CHAT: variants seen among roughly 807,000 people sequenced by gnomAD.
CHAT encodes choline O-acetyltransferase.
Under a neutral mutation model 76.9 loss-of-function variants are expected in CHAT, and 61 were observed. That is an observed-to-expected ratio of 0.79 (90% CI 0.65 to 0.98). The LOEUF (loss-of-function observed/expected upper bound fraction) is 0.98, where lower values mean the gene tolerates loss of function less well. Among genes scored for constraint, CHAT ranks in the 50% least tolerant of loss-of-function variants. The pLI, the probability that CHAT is intolerant of heterozygous loss-of-function variation, is 0.00. For synonymous variants in CHAT, 407 were observed against 397.4 expected (o/e 1.02, Z -0.29); for missense variants, 946 against 986.9 (o/e 0.96, Z 0.56).
intron 2 of CHAT, 103 bp downstream of exon 2, chr10:49,616,705 C>T (rs2132702504): frequency 1.2e-6 from 1 of 837,866 alleles, no homozygotes; most frequent in South Asian, 1.4e-5. Context: ...ATTTGCCTGG[C>T]CCCAGCCCTG....
chr10:49,666,454 A>G lies in CHAT; in HGVS notation c.*1408A>G, dbSNP rs1210590111. On this transcript the variant is annotated 3_prime_UTR_variant, in exon 15 of 15. Transcript: ENST00000337653. ...TAAGAAAGCAACCAGAGAAATCTAC[A>G]GCATAGAGCCCGTGTGTTCTGCTCC... Among the ~76,000 whole-genome samples the G allele has an allele frequency of 6.6e-6, 1 of 152,222 alleles. No homozygotes were observed. The highest frequency in any genetic ancestry group is 1.5e-5 in the Non-Finnish European group (1 of 68,038).
At position 49,667,472 on chromosome 10, in the gene CHAT, T is replaced by A. The variant is rs1033882339; in HGVS notation, c.*2426T>A. On this transcript the variant is annotated 3_prime_UTR_variant, in exon 15 of 15. Coordinates refer to ENST00000337653, the MANE Select transcript of CHAT (RefSeq NM_020549.5). ...TGAGGGCTATGAGAAGCGCAAACAGTAAACGCTTGGCAGGAGGGAACACTT... is the reference window on the plus strand; with the variant it reads ...TGAGGGCTATGAGAAGCGCAAACAGAAAACGCTTGGCAGGAGGGAACACTT... Among the ~76,000 whole-genome samples the A allele has an allele frequency of 7.9e-5, 12 of 152,198 alleles. No individual in the cohort carries two copies. Among genetic ancestry groups the A allele is most frequent in the Admixed American group, 7.9e-4 (12 of 15,282 alleles).
At chr10:49,659,516 G>A (rs980781035) in intron 13 of CHAT, among the ~76,000 whole-genome samples, 5 of 152,186 alleles carry the variant, frequency 3.3e-5, no homozygotes, top group Non-Finnish European at 5.9e-5. Flanking sequence ...AAAGAAGCAA[G>A]AAGTGAGAGG....
At chr10:49,662,494 G>A in intron 13 of CHAT, 151 bp from the exon 14 acceptor site, 1 of 1,002,482 alleles carries the variant, frequency 1.0e-6, no homozygotes, top group Non-Finnish European at 1.5e-6. Flanking sequence ...GTCCTGAGCA[G>A]CCACTCATAC....
At position 49,649,641 on chromosome 10, in the gene CHAT, G is replaced by C; in HGVS notation, c.1511+5G>C. On this transcript the variant is annotated splice_donor_5th_base_variant and intron_variant, in intron 10 of 14. Coordinates refer to ENST00000337653, the MANE Select transcript of CHAT (RefSeq NM_020549.5). ...CTCGGCAGAAAAACTTCAACGGTAA[G>C]GATAACCGAAGTCTCCTTTGAGGGG... The C allele has an allele frequency of 6.2e-7, 1 of 1,613,696 alleles. No individual in the cohort carries two copies. The highest frequency in any genetic ancestry group is 8.5e-7 in the Non-Finnish European group (1 of 1,180,010).
intron 7 of CHAT, among the ~76,000 whole-genome samples, chr10:49,631,889 T>C (rs1415379071): frequency 6.6e-6 from 1 of 150,452 alleles, no homozygotes; most frequent in East Asian, 2.0e-4. Context: ...AGCAGGTGAA[T>C]TGAGAGCCCA....
chr10:49,609,717 C>A (rs1838238671), upstream of CHAT, among the ~76,000 whole-genome samples: 1 of 152,050 alleles, frequency 6.6e-6, no homozygotes, highest in Non-Finnish European at 1.5e-5. Flanking sequence ...GAGCCTTCCC[C>A]TCCCCTCCTG....
intron 2 of CHAT, among the ~76,000 whole-genome samples, chr10:49,617,408 C>T (rs778059319): frequency 6.6e-6 from 1 of 152,210 alleles, no homozygotes; most frequent in East Asian, 1.9e-4. Flanking sequence ...ATCTGACTCA[C>T]ATGAACTGCC....
chr10:49,622,152 T>G lies in CHAT; in HGVS notation c.752+2T>G. The G allele has an allele frequency of 6.2e-7, 1 of 1,613,858 alleles. No homozygotes were observed. The highest frequency in any genetic ancestry group is 1.7e-5 in the Admixed American group (1 of 60,026). ...CAGCTACAAGGCCCTGCTGGACAGG[T>G]AGGACTGGGAGGGTGGTGCCCTGTT... On this transcript the variant is annotated splice_donor_variant, in intron 5 of 14. Transcript: ENST00000337653. LOFTEE classifies it high-confidence loss of function.
intron 2 of CHAT, among the ~76,000 whole-genome samples, chr10:49,618,903 C>T (rs1590559606): frequency 6.6e-6 from 1 of 152,152 alleles, no homozygotes; most frequent in Non-Finnish European, 1.5e-5. Context: ...TCTCTGTGTT[C>T]CTCTCAGGTA....
chr10:49,610,777 G>A, upstream of CHAT: 1 of 1,565,118 alleles, frequency 6.4e-7, no homozygotes, highest in Admixed American at 2.0e-5. Context: ...GGCCCGGGCG[G>A]CGGCCACCAA....
rs1021042400 is a variant in CHAT, at chr10:49,666,741, G to C, written c.*1695G>C. On this transcript the variant is annotated 3_prime_UTR_variant, in exon 15 of 15. Coordinates refer to ENST00000337653, the MANE Select transcript of CHAT (RefSeq NM_020549.5). ...ATGGGAGATTTGGGCACTACCCTTT[G>C]AACATACAAACTTAAGTCATTGGCC... Among the ~76,000 whole-genome samples, 18 of 152,180 alleles carry C rather than the reference G, an allele frequency of 1.2e-4. No individual in the cohort carries two copies. The highest frequency in any genetic ancestry group is 3.6e-4 in the African/African-American group (15 of 41,442).
At chr10:49,630,302 C>T (rs1318158986) in intron 7 of CHAT, among the ~76,000 whole-genome samples, 1 of 146,548 alleles carries the variant, frequency 6.8e-6, no homozygotes, top group East Asian at 1.9e-4. Flanking sequence ...AAGAGTAGCC[C>T]ATGAAGTAAA....
At chr10:49,620,710 C>T (rs985619516) in intron 4 of CHAT, 97 bp downstream of exon 4, 50 of 962,766 alleles carry the variant, frequency 5.2e-5, no homozygotes, top group Admixed American at 1.0e-4. Flanking sequence ...GCTGGAGCCT[C>T]GGCTGAGCTT....
intron 1 of CHAT, 44 bp downstream of exon 1, chr10:49,614,519 G>C (rs566512736): frequency 2.0e-6 from 3 of 1,516,592 alleles, no homozygotes; most frequent in Non-Finnish European, 1.8e-6. Flanking sequence ...GCGGTGCCGG[G>C]AGCAAGGGCG....
At position 49,616,565 on chromosome 10, in the gene CHAT, G is replaced by T. The variant is rs376641216; in HGVS notation, c.350G>T (p.Arg117Leu). 1.2e-6 allele frequency: 2 copies of T among 1,612,928 alleles called. No individual in the cohort carries two copies. The highest frequency in any genetic ancestry group is 1.7e-6 in the Non-Finnish European group (2 of 1,179,350). ...TKTPILEKVP[R>L]KMAAKTPSSE... The stretch of plus-strand genomic sequence containing the variant: ...ACGCCCATCCTGGAAAAGGTCCCCC[G>T]TAAGATGGCAGCAAAAACTCCCAGC... Residue 117 changes from arginine (R) to leucine (L), a missense_variant, in exon 2 of 15, where the codon CGT becomes CTT. Transcript: ENST00000337653.
intron 13 of CHAT, among the ~76,000 whole-genome samples, chr10:49,661,993 T>G (rs749826700): frequency 6.6e-6 from 1 of 152,260 alleles, no homozygotes; most frequent in Non-Finnish European, 1.5e-5. Context: ...AAATGTCAGT[T>G]GAGCCTGCTA....
chr10:49,660,190 C>G (rs539313184), intron 13 of CHAT, among the ~76,000 whole-genome samples: 61 of 152,210 alleles, frequency 4.0e-4, no homozygotes, highest in African/African-American at 1.4e-3. Context: ...CCTGTAATCC[C>G]AGCACTTTGG....
upstream of CHAT, chr10:49,610,766 A>G (rs762563653): frequency 1.9e-6 from 3 of 1,552,502 alleles, no homozygotes; most frequent in East Asian, 4.7e-5. Flanking sequence ...CCTGCGGGCC[A>G]GGCCCGGGCG....
Sources: allele counts gnomAD v4.1 joint callset (sites outside exome capture counted in the v4.1 genomes callset), GRCh38; gene constraint gnomAD v4.1.1; transcripts MANE v1.5; gene names NCBI Gene and HGNC (gene_info 2026-07-23, HGNC 2026-07-21).